Variants in MEGF9 observed in about 807,000 individuals in gnomAD.
MEGF9 encodes the protein multiple epidermal growth factor-like domains protein 9.
A neutral mutation model predicts 46.8 loss-of-function variants in MEGF9; 6 were observed. The ratio of observed to expected loss-of-function variants is 0.13; its 90% CI spans 0.07 to 0.25. MEGF9 has a LOEUF of 0.25. Among genes scored for constraint, MEGF9 ranks in the 10% least tolerant of loss-of-function variants. The pLI, the probability that MEGF9 is intolerant of heterozygous loss-of-function variation, is 1.00. For synonymous variants in MEGF9, 302 were observed against 330.7 expected, an observed-to-expected ratio of 0.91 and a Z score of 0.94; for missense variants, 683 against 792.4, an observed-to-expected ratio of 0.86 and a Z score of 1.66.
chr9:120,615,254 T>A (rs770738491), intron 3 of MEGF9, among the ~76,000 whole-genome samples: 7 of 148,076 alleles, frequency 4.7e-5, no homozygotes, highest in Non-Finnish European at 9.0e-5. Flanking sequence ...ATAATAATAA[T>A]AAATAAATAC....
At chr9:120,666,274 AC>A (rs752943018) in intron 1 of MEGF9, among the ~76,000 whole-genome samples, 4 of 152,206 alleles carry the variant, frequency 2.6e-5, no homozygotes, top group Non-Finnish European at 5.9e-5. Flanking sequence ...TTATCAGAGC[AC>A]TGGCCATTCA....
chr9:120,654,371 G>C (rs1036815293), intron 2 of MEGF9, among the ~76,000 whole-genome samples: 1 of 152,112 alleles, frequency 6.6e-6, no homozygotes, highest in African/African-American at 2.4e-5. Context: ...GCAACATGAT[G>C]ACATTTCCGT....
At position 120,620,137 on chromosome 9, in the gene MEGF9, T is replaced by G. The variant is rs1257246358; in HGVS notation, c.943+2479A>C. ...AACCATGAAAAGAATTATTTTGCCT[T>G]AAATTATCTCCAGAGAAAGGACAGG... On this transcript the variant is annotated intron_variant, in intron 3 of 5. Coordinates refer to ENST00000373930, the MANE Select transcript of MEGF9 (RefSeq NM_001080497.3). 2.6e-5 allele frequency among the ~76,000 whole-genome samples: 4 copies of G among 152,246 alleles called. No homozygotes were observed. In the East Asian group the frequency reaches 7.7e-4, roughly 29 times the overall value.
intron 1 of MEGF9, among the ~76,000 whole-genome samples, chr9:120,674,928 G>C (rs1487980166): frequency 6.6e-6 from 1 of 151,314 alleles, no homozygotes. Context: ...ACCCAGGCTG[G>C]AGTGCAGTGG....
chr9:120,706,696 G>A (rs763341248), intron 1 of MEGF9, among the ~76,000 whole-genome samples: 7 of 152,134 alleles, frequency 4.6e-5, no homozygotes, highest in Non-Finnish European at 8.8e-5. Context: ...CTAGCTAGGC[G>A]TGGTGGTGCA....
At chr9:120,618,180 A>C (rs2043480617) in intron 3 of MEGF9, among the ~76,000 whole-genome samples, 1 of 152,336 alleles carries the variant, frequency 6.6e-6, no homozygotes, top group South Asian at 2.1e-4. Flanking sequence ...AATCCAGGGG[A>C]CTGAATGAGA....
At chr9:120,662,881 T>G (rs551593299) in intron 1 of MEGF9, among the ~76,000 whole-genome samples, 1 of 152,356 alleles carries the variant, frequency 6.6e-6, no homozygotes, top group Non-Finnish European at 1.5e-5. Flanking sequence ...AAATCCATGT[T>G]GTGGTTCATC....
intron 1 of MEGF9, among the ~76,000 whole-genome samples, chr9:120,693,460 A>G (rs2043860513): frequency 6.6e-6 from 1 of 152,224 alleles, no homozygotes; most frequent in South Asian, 2.1e-4. Flanking sequence ...TGAGTGCTCT[A>G]TTACACAAGA....
chr9:120,611,280 C>T (rs2043443697), intron 4 of MEGF9, among the ~76,000 whole-genome samples: 1 of 151,932 alleles, frequency 6.6e-6, no homozygotes, highest in Non-Finnish European at 1.5e-5. Flanking sequence ...TATGTACATA[C>T]AAAAACATGT....
chr9:120,674,576 CT>C (rs368915898), intron 1 of MEGF9, among the ~76,000 whole-genome samples: 20 of 148,464 alleles, frequency 1.3e-4, no homozygotes, highest in South Asian at 2.1e-4. Flanking sequence ...TTCTCTCTCT[CT>C]TTTTTTTTTG....
chr9:120,617,130 G>T (rs1464686879), intron 3 of MEGF9, among the ~76,000 whole-genome samples: 2 of 152,134 alleles, frequency 1.3e-5, no homozygotes, highest in Non-Finnish European at 2.9e-5. Context: ...TGGCCAAAGG[G>T]TGGATCAAAA....
At chr9:120,673,801 A>AC (rs1395680833) in intron 1 of MEGF9, among the ~76,000 whole-genome samples, 4 of 151,826 alleles carry the variant, frequency 2.6e-5, no homozygotes, top group African/African-American at 9.7e-5. Context: ...TCTCGTCTCT[A>AC]CTAAAAAAAA....
At chr9:120,635,132 T>C (rs2132310256) in intron 2 of MEGF9, among the ~76,000 whole-genome samples, 1 of 152,318 alleles carries the variant, frequency 6.6e-6, no homozygotes, top group Middle Eastern at 3.4e-3. Flanking sequence ...AACTTGAATA[T>C]ATCAACCCAT....
In MEGF9 at chr9:120,643,458, C is replaced by T. The variant is rs574200129; in HGVS notation, c.803+15916G>A. 3.9e-5 allele frequency among the ~76,000 whole-genome samples: 6 copies of T among 152,258 alleles called. No homozygotes were observed. In the South Asian group the frequency reaches 1.0e-3, roughly 26 times the overall value. On this transcript the variant is annotated intron_variant, in intron 2 of 5. Coordinates refer to ENST00000373930, the MANE Select transcript of MEGF9 (RefSeq NM_001080497.3). Reference sequence around the variant, plus strand: ...CCACAATGTCATACATCTAAAATGGCAGGTCAACAAAGTAAGTTTATTTCC... The same window carrying T: ...CCACAATGTCATACATCTAAAATGGTAGGTCAACAAAGTAAGTTTATTTCC...
chr9:120,640,083 A>G (rs915083506), intron 2 of MEGF9, among the ~76,000 whole-genome samples: 9 of 152,170 alleles, frequency 5.9e-5, no homozygotes, highest in African/African-American at 2.2e-4. Flanking sequence ...CCTCTCTCCA[A>G]TGTTTCTGTA....
intron 1 of MEGF9, among the ~76,000 whole-genome samples, chr9:120,692,724 G>C (rs151072062): frequency 6.6e-6 from 1 of 152,092 alleles, no homozygotes; most frequent in East Asian, 1.9e-4. Flanking sequence ...TCCCTAAATG[G>C]GCCATGTATG....
chr9:120,646,041 T>C (rs952450458), intron 2 of MEGF9, among the ~76,000 whole-genome samples: 4 of 152,070 alleles, frequency 2.6e-5, no homozygotes, highest in African/African-American at 9.7e-5. Flanking sequence ...TTTCCATAAG[T>C]TCAACTTAGA....
chr9:120,691,423 G>A (rs566728252), intron 1 of MEGF9: 3 of 486,338 alleles, frequency 6.2e-6, no homozygotes, highest in East Asian at 6.2e-5. Flanking sequence ...ACTCTCACAG[G>A]CATATTTTCC....
intron 2 of MEGF9, among the ~76,000 whole-genome samples, chr9:120,628,495 T>TC (rs1554795271): frequency 5.6e-5 from 8 of 142,690 alleles, no homozygotes; most frequent in Non-Finnish European, 9.0e-5. Context: ...TTTTTTTTTT[T>TC]CAGAGACAGA....
Sources: allele counts gnomAD v4.1 joint callset (sites outside exome capture counted in the v4.1 genomes callset), GRCh38; gene constraint gnomAD v4.1.1; transcripts MANE v1.5; gene names NCBI Gene and HGNC (gene_info 2026-07-23, HGNC 2026-07-21).